The following OPRM1 variants were observed in gnomAD, a reference collection of about 807,000 sequenced individuals.
OPRM1 encodes opioid receptor mu 1.
In OPRM1, 27 loss-of-function variants were observed where a neutral mutation model predicts 31.8. The ratio of observed to expected loss-of-function variants is 0.85; its 90% confidence interval spans 0.63 to 1.17. The LOEUF (loss-of-function observed/expected upper bound fraction) is 1.17, where lower values mean the gene tolerates loss of function less well. Among genes scored for constraint, OPRM1 ranks in the 50% most tolerant of loss-of-function variants. OPRM1 has a pLI of 0.00. For missense variants in OPRM1, 536 were observed against 511.1 expected, an observed-to-expected ratio of 1.05 and a Z score of -0.47; for synonymous variants, 196 against 189.9, an observed-to-expected ratio of 1.03 and a Z score of -0.26.
intron 1 of OPRM1, among the ~76,000 whole-genome samples, chr6:154,066,899 T>C (rs1269121704): frequency 1.3e-5 from 2 of 152,186 alleles, no homozygotes; most frequent in East Asian, 3.8e-4. Context: ...ACTATTACAG[T>C]AGTTTTTATG....
chr6:154,128,495 G>A lies in OPRM1; in HGVS notation c.*9774G>A, dbSNP rs1181275240. On this transcript the variant is annotated 3_prime_UTR_variant, in exon 4 of 4. Transcript: ENST00000330432. The stretch of plus-strand genomic sequence containing the variant: ...CTGGGACAGTCCGTTGAGGATCCTT[G>A]TGCCAGGATGTATGTTGCCCCATGA... Among the ~76,000 whole-genome samples the A allele has an allele frequency of 5.9e-5, 9 of 152,304 alleles. No homozygotes were observed. Among genetic ancestry groups the A allele is most frequent in the East Asian group, 3.9e-4 (2 of 5,184 alleles).
chr6:154,152,368 G>GAAAAGA (rs1398544852), intron 3 of OPRM1, among the ~76,000 whole-genome samples: 1 of 146,682 alleles, frequency 6.8e-6, no homozygotes, highest in Non-Finnish European at 1.5e-5. Context: ...AAGAAAGAAA[G>GAAAAGA]AAAGAAAGAA....
intron 3 of OPRM1, among the ~76,000 whole-genome samples, chr6:154,115,751 TTCCC>T (rs1480508369): frequency 6.6e-6 from 1 of 152,214 alleles, no homozygotes; most frequent in Non-Finnish European, 1.5e-5. Context: ...GCAACCTGGC[TTCCC>T]CCTCCATTAA....
Position 154,039,519 on chromosome 6 carries a change from G to A in OPRM1, c.-26G>A. On this transcript the variant is annotated 5_prime_UTR_variant, in exon 1 of 4. Transcript: ENST00000330432. ...TCGGTGCTCCTGGCTACCTCGCACA[G>A]CGGTGCCCGCCCGGCCGTCAGTACC... 1 of 1,595,030 alleles carries A rather than the reference G, an allele frequency of 6.3e-7. No individual in the cohort carries two copies.
intron 3 of OPRM1, among the ~76,000 whole-genome samples, chr6:154,223,839 C>G (rs1583841261): frequency 6.6e-6 from 1 of 152,224 alleles, no homozygotes; most frequent in African/African-American, 2.4e-5. Context: ...CACAGAGCTG[C>G]ATCTTTCAGA....
intron 3 of OPRM1, among the ~76,000 whole-genome samples, chr6:154,182,799 G>A (rs968415925): frequency 5.3e-5 from 8 of 151,950 alleles, no homozygotes; most frequent in Non-Finnish European, 1.0e-4. Context: ...TCAACCATGT[G>A]GATCCATGAT....
At chr6:154,194,335 G>A (rs1016301820) in intron 3 of OPRM1, among the ~76,000 whole-genome samples, 1 of 151,918 alleles carries the variant, frequency 6.6e-6, no homozygotes, top group Non-Finnish European at 1.5e-5. Flanking sequence ...GGAGGCAGAG[G>A]TTGCCGTGAG....
intron 1 of OPRM1, among the ~76,000 whole-genome samples, chr6:154,030,414 T>C (rs999779577): frequency 2.0e-5 from 3 of 152,184 alleles, no homozygotes; most frequent in Non-Finnish European, 2.9e-5. Context: ...TTTAAACATT[T>C]GATAGTAAGG....
At chr6:154,207,559 G>T (rs55790010) in intron 3 of OPRM1, among the ~76,000 whole-genome samples, 85,543 of 151,146 alleles carry the variant, frequency 0.57, 24,534 homozygotes, top group East Asian at 0.69. Context: ...ACTTTTTGGG[G>T]TTTTTTTTGT....
intron 3 of OPRM1, among the ~76,000 whole-genome samples, chr6:154,180,099 T>C (rs1800704184): frequency 1.3e-5 from 2 of 152,140 alleles, no homozygotes; most frequent in South Asian, 4.1e-4. Context: ...CAGCACTCTG[T>C]ATTATCTCTT....
intron 3 of OPRM1, among the ~76,000 whole-genome samples, chr6:154,239,050 C>G (rs570750622): frequency 2.0e-5 from 3 of 152,050 alleles, no homozygotes; most frequent in Non-Finnish European, 4.4e-5. Context: ...GAAGACTGTC[C>G]TCTAAAATAC....
chr6:154,146,924 T>G (rs534201687), intron 3 of OPRM1, among the ~76,000 whole-genome samples: 1 of 152,206 alleles, frequency 6.6e-6, no homozygotes, highest in Admixed American at 6.5e-5. Context: ...GTAAGCTAAT[T>G]AACAAAACAG....
intron 3 of OPRM1, among the ~76,000 whole-genome samples, chr6:154,203,520 C>T (rs1013228995): frequency 7.9e-5 from 12 of 152,192 alleles, no homozygotes; most frequent in African/African-American, 1.7e-4. Context: ...ATGAAGACAG[C>T]GTTTGTGGGA....
chr6:154,165,388 A>C (rs1426467033), intron 3 of OPRM1, among the ~76,000 whole-genome samples: 1 of 152,194 alleles, frequency 6.6e-6, no homozygotes, highest in Non-Finnish European at 1.5e-5. Context: ...TTCCAACATG[A>C]ACATGCACAC....
At chr6:154,197,322 A>G (rs936861118) in intron 3 of OPRM1, among the ~76,000 whole-genome samples, 5 of 152,244 alleles carry the variant, frequency 3.3e-5, no homozygotes, top group African/African-American at 1.2e-4. Context: ...ACAGCAAGTC[A>G]TCACAAATGC....
intron 3 of OPRM1, among the ~76,000 whole-genome samples, chr6:154,099,346 A>C (rs1483379289): frequency 1.4e-5 from 1 of 70,622 alleles, no homozygotes; most frequent in African/African-American, 4.8e-5. Context: ...GGAGGAAGAG[A>C]GCGAGAGAGA....
In OPRM1 at chr6:154,159,856, G is replaced by A. The variant is rs771435278; in HGVS notation, c.1164+68384G>A. The A allele has an allele frequency of 2.5e-6, 4 of 1,611,698 alleles. No homozygotes were observed. In the South Asian group the frequency reaches 4.4e-5, roughly 18 times the overall value. On this transcript the variant is annotated intron_variant, in intron 3 of 3. Coordinates refer to the OPRM1 transcript ENST00000337049. ...AATGGAATTTTCAACAGAGGGAGAA[G>A]AAGGTGATTTCTTGAGTTCCTGGGG...
chr6:154,180,102 TATC>T (rs948273156), intron 3 of OPRM1, among the ~76,000 whole-genome samples: 2 of 152,150 alleles, frequency 1.3e-5, no homozygotes, highest in Non-Finnish European at 2.9e-5. Context: ...CACTCTGTAT[TATC>T]TCTTAACTGA....
At chr6:154,218,569 T>C (rs1159422329) in intron 3 of OPRM1, among the ~76,000 whole-genome samples, 1 of 152,202 alleles carries the variant, frequency 6.6e-6, no homozygotes, top group Non-Finnish European at 1.5e-5. Flanking sequence ...AGATACATTA[T>C]TTCCTGGCTT....
Sources: gnomAD v4.1 joint callset for allele counts (sites outside exome capture counted in the v4.1 genomes callset) on GRCh38, gnomAD v4.1.1 for gene constraint, MANE v1.5 for transcripts, NCBI Gene and HGNC (gene_info 2026-07-23, HGNC 2026-07-21) for gene names.